Variants in ACSS3 observed in about 807,000 individuals in gnomAD.
The protein encoded by ACSS3 is acyl-CoA synthetase short-chain family member 3, mitochondrial.
A neutral mutation model predicts 84.2 loss-of-function variants in ACSS3; 64 were observed. That is an observed-to-expected ratio of 0.76 (90% CI 0.62 to 0.94). ACSS3 has a LOEUF of 0.94. Among genes scored for constraint, ACSS3 ranks in the 40% least tolerant of loss-of-function variants. The probability of loss-of-function intolerance (pLI) is 0.00; values close to 1 mark genes in which losing one functional copy is unlikely to be tolerated. For missense variants in ACSS3, 815 were observed against 867.6 expected (o/e 0.94, Z 0.76); for synonymous variants, 317 against 310.1 (o/e 1.02, Z -0.23).
chr12:81,161,161 G>A (rs540272295), intron 7 of ACSS3, among the ~76,000 whole-genome samples: 1 of 152,264 alleles, frequency 6.6e-6, no homozygotes, highest in South Asian at 2.1e-4. Context: ...AAGTCTGTTT[G>A]TCCTCATAAC....
intron 8 of ACSS3, among the ~76,000 whole-genome samples, chr12:81,178,736 A>G (rs1277992119): frequency 6.6e-6 from 1 of 152,232 alleles, no homozygotes; most frequent in African/African-American, 2.4e-5. Context: ...CAATTTACAG[A>G]TTAAATGATA....
At chr12:81,234,489 G>C (rs1457337086) in intron 13 of ACSS3, among the ~76,000 whole-genome samples, 1 of 151,338 alleles carries the variant, frequency 6.6e-6, no homozygotes, top group Non-Finnish European at 1.5e-5. Context: ...TTTCCCGTGT[G>C]ACTGTGCTAT....
chr12:81,154,440 G>C (rs1886767027), intron 7 of ACSS3, among the ~76,000 whole-genome samples: 1 of 152,134 alleles, frequency 6.6e-6, no homozygotes, highest in Non-Finnish European at 1.5e-5. Flanking sequence ...GTGAATAATT[G>C]ACTGAAGTAA....
At chr12:81,217,126 A>G (rs941514752) in intron 10 of ACSS3, 130 bp downstream of exon 10, 8 of 609,734 alleles carry the variant, frequency 1.3e-5, no homozygotes, top group Non-Finnish European at 2.0e-5. Flanking sequence ...CTTGTATTAA[A>G]AATGAATGCC....
intron 10 of ACSS3, among the ~76,000 whole-genome samples, chr12:81,217,472 G>A (rs2032963019): frequency 6.6e-6 from 1 of 152,208 alleles, no homozygotes; most frequent in Non-Finnish European, 1.5e-5. Context: ...TTCAAAAGCT[G>A]CAGTTTCTTA....
At chr12:81,114,173 T>C (rs1481136343) in intron 2 of ACSS3, among the ~76,000 whole-genome samples, 3 of 152,168 alleles carry the variant, frequency 2.0e-5, no homozygotes, top group African/African-American at 7.2e-5. Context: ...ACATGTATAC[T>C]GGGAAAATTG....
intron 5 of ACSS3, among the ~76,000 whole-genome samples, chr12:81,148,278 A>G (rs1222284871): frequency 6.6e-6 from 1 of 152,146 alleles, no homozygotes. Flanking sequence ...TTCTTTTTCA[A>G]GTTGTGGCAG....
chr12:81,216,878 A>T (rs1229624575), intron 9 of ACSS3, 23 bp from the exon 10 acceptor site: 1 of 1,583,202 alleles, frequency 6.3e-7, no homozygotes, highest in South Asian at 1.1e-5. Flanking sequence ...ACATGAAGTG[A>T]TAAATAACAT....
chr12:81,136,084 C>T (rs1368328052), intron 3 of ACSS3, among the ~76,000 whole-genome samples: 1 of 152,048 alleles, frequency 6.6e-6, no homozygotes, highest in Non-Finnish European at 1.5e-5. Context: ...ACTAGTTTTA[C>T]AATCCATATA....
chr12:81,080,954 A>T (rs544478584), intron 1 of ACSS3, among the ~76,000 whole-genome samples: 10 of 152,316 alleles, frequency 6.6e-5, no homozygotes, highest in Admixed American at 6.5e-4. Context: ...GAAGGGAGAT[A>T]TTGACAGCCA....
chr12:81,159,852 G>A (rs1887064440), intron 7 of ACSS3, among the ~76,000 whole-genome samples: 2 of 152,190 alleles, frequency 1.3e-5, no homozygotes, highest in South Asian at 4.1e-4. Flanking sequence ...CTTCTTTCTA[G>A]TATTTCTTCC....
At chr12:81,156,153 A>T (rs977517603) in intron 7 of ACSS3, among the ~76,000 whole-genome samples, 7 of 151,712 alleles carry the variant, frequency 4.6e-5, no homozygotes, top group African/African-American at 1.5e-4. Flanking sequence ...CTAAATAAAT[A>T]ATCCATAGGT....
At position 81,216,922 on chromosome 12, in the gene ACSS3, C is replaced by T. The variant is rs772788931; in HGVS notation, c.1376C>T (p.Ala459Val). The change falls in exon 10 of 16, where the codon GCG becomes GTG. Residue 459 changes from alanine to valine, a missense_variant. Physicochemically the swap from Ala to Val is moderately conservative, Grantham distance 64. Transcript: ENST00000548058. ...WQTETGSPIT[A>V]SCVGLGNSKT... ...CCAGAGACTGGATCTCCAATTACTG[C>T]GTCATGTGTTGGATTAGGCAATTCT... 3.7e-6 allele frequency: 6 copies of T among 1,610,346 alleles called. No individual in the cohort carries two copies. In the African/African-American group the frequency reaches 4.0e-5, roughly 11 times the overall value.
intron 7 of ACSS3, among the ~76,000 whole-genome samples, chr12:81,155,403 G>A (rs1165434036): frequency 6.6e-6 from 1 of 152,092 alleles, no homozygotes; most frequent in Non-Finnish European, 1.5e-5. Context: ...TTCCTGCTGA[G>A]TACTAACCTA....
chr12:81,166,137 G>C (rs1176346479), intron 7 of ACSS3, among the ~76,000 whole-genome samples: 2 of 152,130 alleles, frequency 1.3e-5, no homozygotes, highest in African/African-American at 4.8e-5. Context: ...AGGGACAATT[G>C]GGAAGTCCAA....
chr12:81,117,742 A>C, intron 2 of ACSS3, among the ~76,000 whole-genome samples: 1 of 152,288 alleles, frequency 6.6e-6, no homozygotes, highest in Admixed American at 6.5e-5. Context: ...ACTGTAGTAG[A>C]TAACATTGGA....
At chr12:81,100,755 A>T (rs1882447689) in intron 1 of ACSS3, among the ~76,000 whole-genome samples, 4 of 152,222 alleles carry the variant, frequency 2.6e-5, no homozygotes, top group Admixed American at 2.6e-4. Flanking sequence ...TCAGAGATAT[A>T]GGCTGACAGT....
At chr12:81,184,494 A>G (rs1013158520) in intron 8 of ACSS3, among the ~76,000 whole-genome samples, 1 of 151,902 alleles carries the variant, frequency 6.6e-6, no homozygotes, top group Non-Finnish European at 1.5e-5. Context: ...TAATAAAACT[A>G]AAGTTCACTT....
chr12:81,078,178 C>T lies in ACSS3; in HGVS notation c.58C>T (p.Pro20Ser). Residue 20 changes from proline to serine, a missense_variant, in exon 1 of 16, where the codon CCC becomes TCC. Transcript: ENST00000548058. ...CACCAGCGCCGGGGGGCTCGGAGGG[C>T]CCTTGCCTGGGTCCTCTCCGGCCCG... ...KVTSAGGLGGPLPGSSPARGA... is the reference protein window; with the variant it reads ...KVTSAGGLGGSLPGSSPARGA... 1 of 1,538,648 alleles carries T rather than the reference C, an allele frequency of 6.5e-7. No homozygotes were observed. The highest frequency in any genetic ancestry group is 1.4e-5 in the African/African-American group (1 of 71,892).
Sources: allele counts gnomAD v4.1 joint callset (sites outside exome capture counted in the v4.1 genomes callset), GRCh38; gene constraint gnomAD v4.1.1; transcripts MANE v1.5; gene names NCBI Gene and HGNC (gene_info 2026-07-23, HGNC 2026-07-21).